Variants in CACNA1G observed in about 807,000 individuals in gnomAD.
The protein encoded by CACNA1G is calcium voltage-gated channel subunit alpha1 G.
CACNA1G carries 67 observed loss-of-function variants against 219.4 expected under a neutral mutation model. The observed-to-expected ratio is 0.31, with a 90% CI of 0.25 to 0.37. The LOEUF (loss-of-function observed/expected upper bound fraction) is 0.37. Among genes scored for constraint, CACNA1G ranks in the 10% least tolerant of loss-of-function variants. CACNA1G has a pLI of 1.00. For synonymous variants in CACNA1G, 1,296 were observed against 1,345.3 expected (o/e 0.96, Z 0.80); for missense variants, 2,380 against 3,231.4 (o/e 0.74, Z 6.39).
intron 35 of CACNA1G, 80 bp from the exon 36 acceptor site, chr17:50,623,827 T>C: frequency 6.8e-7 from 1 of 1,467,610 alleles, no homozygotes; most frequent in Admixed American, 1.9e-5. Context: ...GCGCTGCTGC[T>C]TTCTGTTGTC....
chr17:50,575,521 CT>C (rs1211942718), intron 7 of CACNA1G, 21 bp from the exon 8 acceptor site: 1 of 1,589,340 alleles, frequency 6.3e-7, no homozygotes, highest in Non-Finnish European at 8.6e-7. Context: ...GACATTTCCT[CT>C]TCCTGTCCCC....
intron 9 of CACNA1G, among the ~76,000 whole-genome samples, chr17:50,581,910 G>A (rs1160856284): frequency 6.6e-6 from 1 of 152,222 alleles, no homozygotes; most frequent in Non-Finnish European, 1.5e-5. Flanking sequence ...TTAACAACTA[G>A]CCCTTCTAAA....
At chr17:50,584,938 C>T (rs754035241) in intron 9 of CACNA1G, among the ~76,000 whole-genome samples, 2 of 152,134 alleles carry the variant, frequency 1.3e-5, no homozygotes, top group African/African-American at 4.8e-5. Context: ...AGCACATGTT[C>T]GTGCCTCTCT....
intron 1 of CACNA1G, among the ~76,000 whole-genome samples, chr17:50,564,968 C>T (rs1210269070): frequency 6.6e-6 from 1 of 152,132 alleles, no homozygotes; most frequent in Non-Finnish European, 1.5e-5. Flanking sequence ...CTGGGGGACT[C>T]CCCATCACCC....
chr17:50,625,682 G>A (rs926620896), intron 37 of CACNA1G, among the ~76,000 whole-genome samples: 3 of 152,172 alleles, frequency 2.0e-5, no homozygotes, highest in Non-Finnish European at 2.9e-5. Flanking sequence ...GCGGGGAGGC[G>A]TGAAGGAGCC....
intron 13 of CACNA1G, among the ~76,000 whole-genome samples, chr17:50,592,705 C>T (rs1474950612): frequency 3.3e-5 from 5 of 152,210 alleles, no homozygotes; most frequent in Non-Finnish European, 5.9e-5. Flanking sequence ...GCAGCCTCTG[C>T]CCAGAGGGCT....
chr17:50,618,853 A>G lies in CACNA1G; in HGVS notation c.5626A>G (p.Lys1876Glu), dbSNP rs749478275. Residue 1876 changes from lysine (K) to glutamate (E), a missense_variant, in exon 33 of 38, where the codon AAG (lysine) becomes GAG (glutamate). Coordinates refer to ENST00000359106, the MANE Select transcript of CACNA1G (RefSeq NM_018896.5). This position sits in a 1 kb window ranked among gnomAD's most constrained non-coding sequence, Gnocchi z 5.3. ...AGAGGCTGAGCTGGAGCTGGAGATG[A>G]AGACCCTCAGCCCCCAGCCCCACTC... ...ELEAELELEM[K>E]TLSPQPHSPL... is the part of the protein sequence containing the mutation. 19 of 1,613,356 alleles carry G rather than the reference A, an allele frequency of 1.2e-5. 1 individual carries two copies. The Middle Eastern group carries it at 9.9e-4, about 84-fold the overall frequency.
intron 4 of CACNA1G, among the ~76,000 whole-genome samples, chr17:50,570,144 G>C (rs2039045068): frequency 6.6e-6 from 1 of 152,154 alleles, no homozygotes; most frequent in South Asian, 2.1e-4. Flanking sequence ...GACGCAAAGT[G>C]CTAATGGCCT....
Position 50,587,410 on chromosome 17 carries a change from C to T in CACNA1G, c.2302-3061C>T, listed in dbSNP as rs1426095454. Among the ~76,000 whole-genome samples the T allele has an allele frequency of 2.6e-5, 4 of 152,204 alleles. No homozygotes were observed. The East Asian group carries it at 7.7e-4, about 29-fold the overall frequency. ...GGTGGGCACTGCCAGATGTTGGCTC[C>T]ACCCCTGCCCCTTTTCAGCCGTAAT... On this transcript the variant is annotated intron_variant, in intron 9 of 37. Coordinates refer to ENST00000359106, the MANE Select transcript of CACNA1G (RefSeq NM_018896.5).
In CACNA1G at chr17:50,578,365, A is replaced by C. The variant is rs1358196617; in HGVS notation, c.2102A>C (p.Gln701Pro). Residue 701 changes from glutamine (Q) to proline (P), a missense_variant, in exon 9 of 38, where the codon CAG becomes CCG. Physicochemically the swap from Gln to Pro is moderately conservative, Grantham distance 76. Around this residue, in one of 17 missense-constraint regions of CACNA1G, gnomAD observed 434 missense variants for 417.3 expected, o/e 1.04. Coordinates refer to ENST00000359106, the MANE Select transcript of CACNA1G (RefSeq NM_018896.5). The surrounding 1 kb of genome is among the most constrained non-coding windows in gnomAD (Gnocchi z 4.5). The stretch of plus-strand genomic sequence containing the variant: ...GTTTATGAGTTCACACAGGATGCCC[A>C]GCACAGCGACCTCCGGGACCCCCAC... Reference protein sequence around the residue: ...EAVYEFTQDAQHSDLRDPHSR... With the variant: ...EAVYEFTQDAPHSDLRDPHSR... 1.2e-6 allele frequency: 2 copies of C among 1,613,042 alleles called. No homozygotes were observed. Among genetic ancestry groups the C allele is most frequent in the Admixed American group, 3.3e-5 (2 of 60,002 alleles).
rs2035393511 is a variant in CACNA1G at position 50,560,777 on chromosome 17, G to A, written c.-683G>A. ...CTCCGCGTCTCGGCCGGAGGAGGAG[G>A]CTGTGGCGCCGGCGACAGCTACGGC... is the stretch of plus-strand genomic sequence containing the variant. On this transcript the variant is annotated 5_prime_UTR_variant, in exon 1 of 38. Transcript: ENST00000359106. 6.6e-6 allele frequency among the ~76,000 whole-genome samples: 1 copy of A among 152,194 alleles called. No homozygotes were observed. The highest frequency in any genetic ancestry group is 1.5e-5 in the Non-Finnish European group (1 of 68,012).
At chr17:50,624,324 T>TCCCCCCCCCCCCCCCCCCCCGGCCCCCC in intron 36 of CACNA1G, 36 bp from the exon 37 acceptor site, 1 of 1,177,662 alleles carries the variant, frequency 8.5e-7, no homozygotes, top group Non-Finnish European at 1.2e-6. Flanking sequence ...CTCCATTCTC[T>TCCCCCCCCCCCCCCCCCCCCGGCCCCCC]CCCCCCACCC....
intron 8 of CACNA1G, among the ~76,000 whole-genome samples, chr17:50,576,659 C>G (rs2040732376): frequency 6.6e-6 from 1 of 152,202 alleles, no homozygotes; most frequent in African/African-American, 2.4e-5. Flanking sequence ...TCCATTGGAT[C>G]CTCTCTACCC....
chr17:50,625,031 C>T (rs1203126825), intron 37 of CACNA1G, among the ~76,000 whole-genome samples: 1 of 151,730 alleles, frequency 6.6e-6, no homozygotes, highest in Non-Finnish European at 1.5e-5. Flanking sequence ...TGGCTCCCCG[C>T]AACCTCCGCC....
chr17:50,587,862 T>C (rs777779211), intron 9 of CACNA1G, among the ~76,000 whole-genome samples: 15 of 151,094 alleles, frequency 9.9e-5, no homozygotes, highest in Admixed American at 2.0e-4. Flanking sequence ...CTCTCGGTGG[T>C]GTGCAGGAGA....
chr17:50,595,207 G>C, intron 14 of CACNA1G, 146 bp downstream of exon 14: 1 of 664,014 alleles, frequency 1.5e-6, no homozygotes, highest in Non-Finnish European at 2.6e-6. Context: ...TGTGAGGTTT[G>C]CTTCGATTTT....
intron 25 of CACNA1G, among the ~76,000 whole-genome samples, 152 bp from the exon 26 acceptor site, chr17:50,609,730 G>A (rs936044887): frequency 3.3e-5 from 5 of 152,152 alleles, no homozygotes; most frequent in African/African-American, 7.2e-5. Flanking sequence ...CCCCAGCTTC[G>A]GGCTGGACAT....
intron 9 of CACNA1G, among the ~76,000 whole-genome samples, chr17:50,582,547 C>T (rs1201228653): frequency 6.6e-6 from 1 of 152,140 alleles, no homozygotes; most frequent in African/African-American, 2.4e-5. Context: ...GCCATCCTGA[C>T]CATATCCAGC....
chr17:50,589,016 T>C (rs545567718), intron 9 of CACNA1G, among the ~76,000 whole-genome samples: 1 of 152,324 alleles, frequency 6.6e-6, no homozygotes, highest in South Asian at 2.1e-4. Context: ...AGGTGTCTGA[T>C]GGAATGAGTG....
Sources: gnomAD v4.1 joint callset for allele counts (sites outside exome capture counted in the v4.1 genomes callset) on GRCh38, gnomAD v4.1.1 for gene constraint, gnomAD v4.1.1 regional missense constraint, Gnocchi (gnomAD v3.1) non-coding constraint, MANE v1.5 for transcripts, NCBI Gene and HGNC (gene_info 2026-07-23, HGNC 2026-07-21) for gene names.